RALY: variants seen among roughly 807,000 people sequenced by gnomAD.
RALY encodes the protein RNA-binding protein Raly.
Under a neutral mutation model 30.7 loss-of-function variants are expected in RALY, and 15 were observed. The observed-to-expected ratio is 0.49, with a 90% CI of 0.33 to 0.75. RALY has a LOEUF of 0.75. RALY is among the 30% of genes least tolerant of loss of function. The pLI is 0.02. For synonymous variants in RALY, 177 were observed against 170.8 expected, an observed-to-expected ratio of 1.04 and a Z score of -0.28; for missense variants, 339 against 414.3, an observed-to-expected ratio of 0.82 and a Z score of 1.58.
At chr20:34,018,592 T>C (rs1190884504) in intron 1 of RALY, among the ~76,000 whole-genome samples, 3 of 152,230 alleles carry the variant, frequency 2.0e-5, no homozygotes, top group South Asian at 2.1e-4. Flanking sequence ...ATGGAAGATA[T>C]GCTAAGTACC....
intron 2 of RALY, among the ~76,000 whole-genome samples, chr20:34,058,730 C>A (rs2033330778): frequency 6.6e-6 from 1 of 152,184 alleles, no homozygotes; most frequent in Admixed American, 6.5e-5. Context: ...CTAGTAAGTG[C>A]TGATCCTGGA....
intron 2 of RALY, chr20:34,049,256 C>A (rs922836816): frequency 8.4e-5 from 13 of 154,136 alleles, no homozygotes; most frequent in African/African-American, 3.1e-4. Flanking sequence ...AGGTTTGGGC[C>A]ACTGTATGGT....
chr20:34,055,793 C>G (rs894926747), intron 2 of RALY, among the ~76,000 whole-genome samples: 2 of 152,180 alleles, frequency 1.3e-5, no homozygotes, highest in African/African-American at 4.8e-5. Flanking sequence ...ATTAAAGTCA[C>G]TGTTATTAAT....
intron 2 of RALY, among the ~76,000 whole-genome samples, chr20:34,039,672 C>A (rs1049483036): frequency 2.0e-5 from 3 of 152,140 alleles, no homozygotes; most frequent in African/African-American, 7.2e-5. Flanking sequence ...TCTAGAAATG[C>A]CTTGGTTCAC....
chr20:34,042,047 G>A (rs2032720239), intron 2 of RALY, among the ~76,000 whole-genome samples: 1 of 152,150 alleles, frequency 6.6e-6, no homozygotes, highest in African/African-American at 2.4e-5. Context: ...CCATCCCGGC[G>A]GGTGGAGGTT....
At chr20:34,056,020 G>A (rs142344027) in intron 2 of RALY, among the ~76,000 whole-genome samples, 73 of 152,222 alleles carry the variant, frequency 4.8e-4, no homozygotes, top group African/African-American at 1.7e-3. Context: ...GAAGCTATAG[G>A]GACTTACAAG....
At chr20:34,069,845 G>C (rs1420854672) in intron 2 of RALY, among the ~76,000 whole-genome samples, 3 of 152,204 alleles carry the variant, frequency 2.0e-5, no homozygotes, top group Non-Finnish European at 4.4e-5. Flanking sequence ...TTCCAAAGCT[G>C]GCACCAGCCC....
chr20:34,012,850 A>AGTAGAAG (rs2031460384), intron 1 of RALY, among the ~76,000 whole-genome samples: 1 of 152,220 alleles, frequency 6.6e-6, no homozygotes, highest in African/African-American at 2.4e-5. Flanking sequence ...GTTTCTGCCC[A>AGTAGAAG]GTAGAAGGTT....
chr20:34,064,056 T>C (rs1195246395), intron 2 of RALY, among the ~76,000 whole-genome samples: 1 of 152,118 alleles, frequency 6.6e-6, no homozygotes, highest in Non-Finnish European at 1.5e-5. Context: ...CATAATTAGC[T>C]CCGTGTTTGG....
At chr20:34,042,573 G>T (rs2032740089) in intron 2 of RALY, among the ~76,000 whole-genome samples, 1 of 152,066 alleles carries the variant, frequency 6.6e-6, no homozygotes, top group Non-Finnish European at 1.5e-5. Context: ...ACCTCGTCAG[G>T]GCATAATTTT....
chr20:33,994,238 C>T (rs1601383735), intron 1 of RALY, 107 bp downstream of exon 1: 1 of 152,490 alleles, frequency 6.6e-6, no homozygotes, highest in African/African-American at 2.4e-5. Context: ...TTTTTAGAAA[C>T]TTATTTCTGC....
At chr20:34,043,500 C>T (rs567769496) in intron 2 of RALY, among the ~76,000 whole-genome samples, 6 of 152,312 alleles carry the variant, frequency 3.9e-5, no homozygotes, top group Non-Finnish European at 8.8e-5. Flanking sequence ...TTTTCTCTCT[C>T]CATAGCTTTT....
chr20:34,075,860 A>C lies in RALY; in HGVS notation c.378-14A>C. 1.9e-6 allele frequency: 3 copies of C among 1,608,596 alleles called. No individual in the cohort carries two copies. Among genetic ancestry groups the C allele is most frequent in the Non-Finnish European group, 2.6e-6 (3 of 1,176,146 alleles). ...CAAGCCATGCTGCAGCCTCTGGCCC[A>C]TCTGCCCTCACAGGCTCTTCGACTA... is the stretch of plus-strand genomic sequence containing the variant. On this transcript the variant is annotated splice_polypyrimidine_tract_variant and intron_variant, in intron 5 of 9. Coordinates refer to ENST00000246194, the MANE Select transcript of RALY (RefSeq NM_016732.3).
At chr20:34,040,013 A>C (rs1217965746) in intron 2 of RALY, among the ~76,000 whole-genome samples, 5 of 152,126 alleles carry the variant, frequency 3.3e-5, no homozygotes, top group Non-Finnish European at 7.4e-5. Flanking sequence ...TGGGAGGCTG[A>C]GGCAGGAGAA....
chr20:34,034,018 C>T (rs2032381604), intron 2 of RALY, among the ~76,000 whole-genome samples: 3 of 152,182 alleles, frequency 2.0e-5, no homozygotes, highest in African/African-American at 7.2e-5. Context: ...TGAGTGCACT[C>T]ATGAACCGTG....
At chr20:34,077,874 C>G (rs2033938973) in intron 8 of RALY, among the ~76,000 whole-genome samples, 1 of 152,230 alleles carries the variant, frequency 6.6e-6, no homozygotes, top group Admixed American at 6.5e-5. Flanking sequence ...GAGCCCTGTA[C>G]TATGCAGAGT....
chr20:34,075,686 G>A (rs1251131690), intron 5 of RALY, among the ~76,000 whole-genome samples, 188 bp from the exon 6 acceptor site: 1 of 152,168 alleles, frequency 6.6e-6, no homozygotes. Flanking sequence ...GAGGTAGTGA[G>A]GATCCCAACA....
At chr20:34,024,106 A>G (rs1244277029) in intron 1 of RALY, among the ~76,000 whole-genome samples, 1 of 152,090 alleles carries the variant, frequency 6.6e-6, no homozygotes, top group Non-Finnish European at 1.5e-5. Context: ...GTGACTTTGG[A>G]CAGATTCCCC....
At chr20:34,032,734 G>T (rs1568668018) in intron 2 of RALY, among the ~76,000 whole-genome samples, 1 of 152,070 alleles carries the variant, frequency 6.6e-6, no homozygotes, top group South Asian at 2.1e-4. Flanking sequence ...TTACACCTGG[G>T]AATCTATAAA....
Sources: gnomAD v4.1 joint callset for allele counts (sites outside exome capture counted in the v4.1 genomes callset) on GRCh38, gnomAD v4.1.1 for gene constraint, MANE v1.5 for transcripts, NCBI Gene and HGNC (gene_info 2026-07-23, HGNC 2026-07-21) for gene names.